TGM7: variants seen among roughly 807,000 people sequenced by gnomAD.
TGM7 encodes protein-glutamine gamma-glutamyltransferase Z.
A neutral mutation model predicts 79.5 loss-of-function variants in TGM7; 74 were observed. The observed-to-expected ratio is 0.93, with a 90% confidence interval of 0.77 to 1.13. The LOEUF (loss-of-function observed/expected upper bound fraction) is 1.13, where lower values mean the gene tolerates loss of function less well. TGM7 is among the 50% of genes most tolerant of loss of function. The probability of loss-of-function intolerance (pLI) is 0.00; values close to 1 mark genes in which losing one functional copy is unlikely to be tolerated. For missense variants in TGM7, 912 were observed against 905.9 expected (o/e 1.01, Z -0.09); for synonymous variants, 354 against 362.5 (o/e 0.98, Z 0.27).
In TGM7 at chr15:43,279,372, T is replaced by G. The variant is rs113652659; in HGVS notation, c.1679-95A>C. 1,595 of 1,396,592 alleles carry G rather than the reference T, an allele frequency of 1.1e-3. 15 individuals are homozygous for G. The African/African-American group carries it at 0.02, about 18-fold the overall frequency. 86.5% of individuals were successfully genotyped at this position (1,396,592 alleles called of 1,614,324 possible). ...GAGAGGAAAAATTAGAATTTTCACG[T>G]GAGAGGTAAAAGTGTGTGTGAGAGA... On this transcript the variant is annotated intron_variant, in intron 10 of 12. Coordinates refer to ENST00000452443, the MANE Select transcript of TGM7 (RefSeq NM_052955.3).
chr15:43,292,202 C>G (rs576706220), intron 3 of TGM7, 105 bp from the exon 4 acceptor site: 2 of 754,586 alleles, frequency 2.7e-6, no homozygotes, highest in African/African-American at 1.7e-5. Context: ...ACAGGAGGAA[C>G]AGTCGATGGG....
At chr15:43,289,949 A>C (rs1299863881) in intron 4 of TGM7, among the ~76,000 whole-genome samples, 6 of 152,112 alleles carry the variant, frequency 3.9e-5, no homozygotes, top group Non-Finnish European at 8.8e-5. Flanking sequence ...AGTTCATTGT[A>C]GATTCTGGAT....
At chr15:43,295,796 A>T (rs2042989133) in intron 1 of TGM7, among the ~76,000 whole-genome samples, 1 of 152,224 alleles carries the variant, frequency 6.6e-6, no homozygotes, top group African/African-American at 2.4e-5. Context: ...TCTTAACAAC[A>T]ATCTTTTGTA....
At chr15:43,278,104 G>GGTGAAAA (rs2042887284) in intron 11 of TGM7, among the ~76,000 whole-genome samples, 1 of 152,226 alleles carries the variant, frequency 6.6e-6, no homozygotes, top group African/African-American at 2.4e-5. Context: ...AGTGTGCCTG[G>GGTGAAAA]GTGAAAACCC....
chr15:43,291,982 C>T lies in TGM7; in HGVS notation c.555G>A (p.Gly185=). The stretch of plus-strand genomic sequence containing the variant: ...CCACATTGGGTAATAGTGTTACCTG[C>T]CCGTAGTTCCAGGGCCAGGAGGTGA... The part of the protein sequence containing the change: ...RFITSWPWNY[G]QFEEDIIDIC... Residue 185 remains glycine, a synonymous_variant, in exon 4 of 13, where the codon GGG becomes GGA. Coordinates refer to ENST00000452443, the MANE Select transcript of TGM7 (RefSeq NM_052955.3). 6.2e-7 allele frequency: 1 copy of T among 1,612,694 alleles called. No homozygotes were observed. The highest frequency in any genetic ancestry group is 8.5e-7 in the Non-Finnish European group (1 of 1,178,824).
intron 11 of TGM7, among the ~76,000 whole-genome samples, chr15:43,277,732 C>T (rs2042885225): frequency 6.6e-6 from 1 of 152,148 alleles, no homozygotes; most frequent in South Asian, 2.1e-4. Flanking sequence ...TCAGTAAGCA[C>T]GTGTTGAACT....
intron 1 of TGM7, among the ~76,000 whole-genome samples, chr15:43,298,052 A>G (rs908112812): frequency 2.0e-5 from 3 of 152,230 alleles, no homozygotes; most frequent in Non-Finnish European, 1.5e-5. Flanking sequence ...ACATGTCTGA[A>G]AGAATTTATG....
At chr15:43,290,856 A>G (rs519926) in intron 4 of TGM7, among the ~76,000 whole-genome samples, 69,844 of 151,264 alleles carry the variant, frequency 0.46, 19,819 homozygotes, top group African/African-American at 0.81. Flanking sequence ...TCATGATTTG[A>G]CTCTGTTTGT....
chr15:43,279,306 C>A, intron 10 of TGM7, 29 bp from the exon 11 acceptor site: 2 of 1,608,090 alleles, frequency 1.2e-6, no homozygotes, highest in South Asian at 1.1e-5. Context: ...CACCTTGAGT[C>A]CAGGACATGG....
chr15:43,302,188 C>T, intron 1 of TGM7, 53 bp downstream of exon 1: 1 of 1,612,640 alleles, frequency 6.2e-7, no homozygotes, highest in Non-Finnish European at 8.5e-7. Context: ...CCAAACTTCT[C>T]CCCTCTCTTG....
intron 12 of TGM7, 117 bp from the exon 13 acceptor site, chr15:43,276,731 C>T: frequency 6.5e-7 from 1 of 1,541,224 alleles, no homozygotes; most frequent in Non-Finnish European, 8.7e-7. Flanking sequence ...CTGAGCTCAG[C>T]CTTTCCTGAG....
intron 9 of TGM7, among the ~76,000 whole-genome samples, chr15:43,280,572 G>A (rs945952927): frequency 3.3e-5 from 5 of 152,012 alleles, no homozygotes; most frequent in African/African-American, 1.2e-4. Flanking sequence ...GCAGTGAGCC[G>A]AGATTGCGCC....
Position 43,284,806 on chromosome 15 carries a change from C to T in TGM7, c.1004+8G>A. On this transcript the variant is annotated splice_region_variant and intron_variant, in intron 7 of 12. Coordinates refer to ENST00000452443, the MANE Select transcript of TGM7 (RefSeq NM_052955.3). ...AAGCAGAGATCTGTTCAAGACAGTG[C>T]CTCTCACCATATTTTGTCTCGTTTC... is the stretch of plus-strand genomic sequence containing the variant. 1 of 1,614,114 alleles carries T rather than the reference C, an allele frequency of 6.2e-7. No homozygotes were observed. The highest frequency in any genetic ancestry group is 1.3e-5 in the African/African-American group (1 of 75,036).
chr15:43,286,270 G>C (rs867801704), intron 6 of TGM7, among the ~76,000 whole-genome samples: 104 of 152,254 alleles, frequency 6.8e-4, no homozygotes, highest in African/African-American at 2.3e-3. Flanking sequence ...CCTGTAACTC[G>C]AGCGCCTGGG....
At chr15:43,286,426 C>A (rs2042936022) in intron 6 of TGM7, among the ~76,000 whole-genome samples, 1 of 152,194 alleles carries the variant, frequency 6.6e-6, no homozygotes, top group African/African-American at 2.4e-5. Context: ...GCCAGGGTAG[C>A]CCTAGCCCCA....
chr15:43,286,254 A>G (rs1043900173), intron 6 of TGM7, among the ~76,000 whole-genome samples: 1 of 152,140 alleles, frequency 6.6e-6, no homozygotes, highest in Non-Finnish European at 1.5e-5. Context: ...CCCAGTGCGC[A>G]GTGGCCCTGT....
chr15:43,283,469 T>G (rs2042919655), intron 7 of TGM7, among the ~76,000 whole-genome samples: 1 of 123,216 alleles, frequency 8.1e-6, no homozygotes, highest in African/African-American at 4.7e-5. Context: ...TCTCTCGCTC[T>G]CTCTCTTTTT....
At chr15:43,279,414 C>T in intron 10 of TGM7, 137 bp from the exon 11 acceptor site, 8 of 1,148,728 alleles carry the variant, frequency 7.0e-6, no homozygotes, top group Non-Finnish European at 8.6e-6. Context: ...GACAGCGTCC[C>T]ACCACGCACA....
intron 10 of TGM7, 141 bp downstream of exon 10, chr15:43,279,484 A>C: frequency 8.2e-7 from 1 of 1,224,200 alleles, no homozygotes; most frequent in Non-Finnish European, 1.1e-6. Context: ...GAGGTGCAGC[A>C]GCTGGCAGCT....
Sources: allele counts gnomAD v4.1 joint callset (sites outside exome capture counted in the v4.1 genomes callset), GRCh38; gene constraint gnomAD v4.1.1; transcripts MANE v1.5; gene names NCBI Gene and HGNC (gene_info 2026-07-23, HGNC 2026-07-21).